Variants in CAPN14 observed in about 807,000 individuals in gnomAD.
CAPN14 encodes the protein calpain-14.
A neutral mutation model predicts 101.3 loss-of-function variants in CAPN14; 94 were observed. That is an observed-to-expected ratio of 0.93 (90% CI 0.79 to 1.10). CAPN14 has a LOEUF of 1.10. CAPN14 is among the 50% of genes least tolerant of loss of function. The pLI is 0.00. For synonymous variants in CAPN14, 338 were observed against 317.9 expected, an observed-to-expected ratio of 1.06 and a Z score of -0.67; for missense variants, 837 against 828.4, an observed-to-expected ratio of 1.01 and a Z score of -0.13.
At chr2:31,179,091 T>C (rs1289003085) in intron 17 of CAPN14, among the ~76,000 whole-genome samples, 3 of 142,564 alleles carry the variant, frequency 2.1e-5, no homozygotes, top group African/African-American at 5.3e-5. Flanking sequence ...TATATATATA[T>C]ACTTTAAGTT....
intron 21 of CAPN14, 102 bp from the exon 22 acceptor site, chr2:31,174,809 T>C (rs978906131): frequency 2.4e-5 from 27 of 1,137,992 alleles, no homozygotes; most frequent in African/African-American, 6.2e-5. Flanking sequence ...AGAACATTAA[T>C]GGATGGTTTA....
chr2:31,198,555 C>T (rs770515920), intron 7 of CAPN14, among the ~76,000 whole-genome samples: 11 of 152,142 alleles, frequency 7.2e-5, no homozygotes, highest in Non-Finnish European at 8.8e-5. Flanking sequence ...ATTTAGCACA[C>T]AGTAAGTGCT....
At chr2:31,205,947 C>G (rs1297411142) in intron 1 of CAPN14, among the ~76,000 whole-genome samples, 1 of 151,994 alleles carries the variant, frequency 6.6e-6, no homozygotes, top group Non-Finnish European at 1.5e-5. Context: ...CTCCCAGCTA[C>G]AGACACACAG....
At chr2:31,220,307 C>T (rs72786920), upstream of CAPN14, among the ~76,000 whole-genome samples, 3,331 of 152,284 alleles carry the variant, frequency 0.022, 36 homozygotes, top group South Asian at 0.043. Flanking sequence ...ATTAGACTCA[C>T]GTTAAGGAAC....
chr2:31,181,615 G>A (rs1228360204), intron 16 of CAPN14, among the ~76,000 whole-genome samples: 21 of 148,238 alleles, frequency 1.4e-4, no homozygotes, highest in Non-Finnish European at 3.0e-4. Flanking sequence ...CTGGTGTGCT[G>A]CACCCATTAA....
At chr2:31,203,967 A>G (rs917842080) in intron 2 of CAPN14, among the ~76,000 whole-genome samples, 1 of 152,206 alleles carries the variant, frequency 6.6e-6, no homozygotes, top group African/African-American at 2.4e-5. Context: ...TATAGAGTGA[A>G]GAATACTTTT....
At chr2:31,233,748 T>C (rs530044744) in intron 1 of CAPN14, 104 of 144,860 alleles carry the variant, frequency 7.2e-4, no homozygotes, top group African/African-American at 2.8e-3. Context: ...GTGGATCCCC[T>C]TTCTATGCCA....
intron 9 of CAPN14, among the ~76,000 whole-genome samples, 195 bp from the exon 10 acceptor site, chr2:31,193,489 G>A (rs187888770): frequency 2.1e-5 from 3 of 146,132 alleles, no homozygotes; most frequent in Admixed American, 6.8e-5. Context: ...GGTCCATCGT[G>A]GGGGGCTGGA....
intron 16 of CAPN14, among the ~76,000 whole-genome samples, chr2:31,181,267 G>C (rs1416678329): frequency 1.3e-5 from 2 of 152,046 alleles, no homozygotes; most frequent in African/African-American, 2.4e-5. Flanking sequence ...TTTGTACCTA[G>C]GGAGGGCCAG....
chr2:31,197,752 G>C (rs1321466152), intron 7 of CAPN14, among the ~76,000 whole-genome samples: 3 of 152,188 alleles, frequency 2.0e-5, no homozygotes, highest in Non-Finnish European at 4.4e-5. Context: ...TGTCAGAAGA[G>C]AAAGGGAGAG....
At chr2:31,189,992 C>G (rs1051175210) in intron 12 of CAPN14, among the ~76,000 whole-genome samples, 4 of 152,206 alleles carry the variant, frequency 2.6e-5, no homozygotes, top group African/African-American at 9.7e-5. Context: ...CACCACACAG[C>G]TACACACAGA....
Position 31,205,519 on chromosome 2 carries a change from G to T in CAPN14, c.-52-20C>A, listed in dbSNP as rs766789511. Reference sequence around the variant, plus strand: ...CTGCTCCTGAAATGGAGAGAGGACGGTCAGTTTCCTCACTTCCTCCTTGTG... The same window carrying T: ...CTGCTCCTGAAATGGAGAGAGGACGTTCAGTTTCCTCACTTCCTCCTTGTG... On this transcript the variant is annotated intron_variant, in intron 1 of 21. Coordinates refer to ENST00000403897, the MANE Select transcript of CAPN14 (RefSeq NM_001145122.2). 1.6e-6 allele frequency: 2 copies of T among 1,237,446 alleles called. No homozygotes were observed. The highest frequency in any genetic ancestry group is 1.5e-5 in the African/African-American group (1 of 66,760). 76.7% of individuals were successfully genotyped at this position (1,237,446 alleles called of 1,614,324 possible).
At chr2:31,183,051 T>A (rs1680728331) in intron 16 of CAPN14, among the ~76,000 whole-genome samples, 1 of 152,258 alleles carries the variant, frequency 6.6e-6, no homozygotes, top group Non-Finnish European at 1.5e-5. Context: ...AACTATCTGA[T>A]CTTTGACAAA....
At chr2:31,205,600 T>A in intron 1 of CAPN14, 101 bp from the exon 2 acceptor site, 3 of 678,386 alleles carry the variant, frequency 4.4e-6, no homozygotes, top group Non-Finnish European at 7.8e-6. Flanking sequence ...AGCGGAGAAG[T>A]CAGCTGGTGA....
rs1409484307 is a variant in CAPN14 at position 31,177,763 on chromosome 2, G to A, written c.1838C>T (p.Ala613Val). 2 of 1,551,880 alleles carry A rather than the reference G, an allele frequency of 1.3e-6. No homozygotes were observed. The highest frequency in any genetic ancestry group is 1.7e-6 in the Non-Finnish European group (2 of 1,146,940). ...GTGCCTACCTGCCTCCCTCATGGCAGCGTGCAGCTGCTCCCAGTTCAGGTA... is the reference window on the plus strand; with the variant it reads ...GTGCCTACCTGCCTCCCTCATGGCAACGTGCAGCTGCTCCCAGTTCAGGTA... ...SGYLNWEQLH[A>V]AMREAGIMLS... is the part of the protein sequence containing the mutation. The change falls in exon 19 of 22, where the codon GCT becomes GTT. Residue 613 changes from alanine to valine, a missense_variant. Physicochemically the swap from Ala to Val is moderately conservative, Grantham distance 64. Coordinates refer to ENST00000403897, the MANE Select transcript of CAPN14 (RefSeq NM_001145122.2).
At chr2:31,201,127 G>A (rs926812969) in intron 5 of CAPN14, among the ~76,000 whole-genome samples, 8 of 151,390 alleles carry the variant, frequency 5.3e-5, no homozygotes, top group Non-Finnish European at 8.8e-5. Flanking sequence ...GTGTGCATGT[G>A]TGTATGTGTG....
intron 1 of CAPN14, among the ~76,000 whole-genome samples, chr2:31,232,694 A>G (rs931264711): frequency 2.0e-5 from 3 of 152,182 alleles, no homozygotes; most frequent in Admixed American, 1.3e-4. Context: ...CATGAATGAA[A>G]CTGTCCCTAT....
At chr2:31,203,041 G>A (rs769327931) in intron 3 of CAPN14, 29 bp downstream of exon 3, 37 of 1,540,842 alleles carry the variant, frequency 2.4e-5, no homozygotes, top group African/African-American at 5.5e-5. Flanking sequence ...GCAGCCTAGT[G>A]TCTGTCTCTC....
At chr2:31,224,279 T>G (rs1682954244) in intron 2 of CAPN14, among the ~76,000 whole-genome samples, 1 of 152,136 alleles carries the variant, frequency 6.6e-6, no homozygotes, top group Admixed American at 6.5e-5. Context: ...AACACACATA[T>G]ACATTTACAT....
Sources: allele counts gnomAD v4.1 joint callset (sites outside exome capture counted in the v4.1 genomes callset), GRCh38; gene constraint gnomAD v4.1.1; transcripts MANE v1.5; gene names NCBI Gene and HGNC (gene_info 2026-07-23, HGNC 2026-07-21).